XYLB: variants seen among roughly 807,000 people sequenced by gnomAD.
The protein encoded by XYLB is xylulose kinase.
XYLB carries 62 observed loss-of-function variants against 78.7 expected under a neutral mutation model. That is an observed-to-expected ratio of 0.79 (90% CI 0.64 to 0.97). XYLB has a LOEUF of 0.97. Among genes scored for constraint, XYLB ranks in the 50% least tolerant of loss-of-function variants. XYLB has a pLI of 0.00. For synonymous variants in XYLB, 245 were observed against 247.4 expected (o/e 0.99, Z 0.09); for missense variants, 687 against 676.8 (o/e 1.02, Z -0.17).
chr3:38,448,078 C>A, the XYLB span, among the ~76,000 whole-genome samples: 1 of 151,940 alleles, frequency 6.6e-6, no homozygotes, highest in Non-Finnish European at 1.5e-5. Context: ...AAAAAAGAAA[C>A]CCTGTCATTG....
At chr3:38,398,139 A>T (rs1397644107) in intron 17 of XYLB, among the ~76,000 whole-genome samples, 1 of 151,494 alleles carries the variant, frequency 6.6e-6, no homozygotes, top group Non-Finnish European at 1.5e-5. Flanking sequence ...TTTTCTATCA[A>T]CGTTGAGAAT....
chr3:38,356,123 C>T (rs550592797), intron 2 of XYLB: 6 of 188,778 alleles, frequency 3.2e-5, no homozygotes, highest in Non-Finnish European at 6.6e-5. Flanking sequence ...TGGTGCCGGG[C>T]GCCTGTAGTC....
At chr3:38,355,608 A>G in intron 2 of XYLB, 1 of 601,246 alleles carries the variant, frequency 1.7e-6, no homozygotes, top group South Asian at 2.1e-5. Context: ...CCTTCCTTGT[A>G]GTTATGTTCA....
chr3:38,422,859 G>T (rs1434871273), downstream of XYLB, among the ~76,000 whole-genome samples: 1 of 152,020 alleles, frequency 6.6e-6, no homozygotes, highest in Non-Finnish European at 1.5e-5. Flanking sequence ...AAAAATTCTT[G>T]TCAGGGTTTA....
intron 12 of XYLB, 120 bp from the exon 13 acceptor site, chr3:38,375,997 G>C: frequency 1.4e-6 from 1 of 735,762 alleles, no homozygotes; most frequent in Non-Finnish European, 2.5e-6. Context: ...GCTGTGCACT[G>C]ACTAGGGGTC....
chr3:38,389,380 A>G (rs1707546041), intron 15 of XYLB, among the ~76,000 whole-genome samples: 1 of 151,852 alleles, frequency 6.6e-6, no homozygotes, highest in South Asian at 2.1e-4. Context: ...CGATTTCTCA[A>G]TCTTTTCCCC....
At chr3:38,377,484 G>C (rs1011026831) in intron 14 of XYLB, among the ~76,000 whole-genome samples, 11 of 143,222 alleles carry the variant, frequency 7.7e-5, no homozygotes, top group African/African-American at 2.9e-4. Context: ...GTCTCACTCT[G>C]TTGCCCAGGC....
intron 2 of XYLB, among the ~76,000 whole-genome samples, chr3:38,352,188 A>T (rs76313372): frequency 1.3e-5 from 2 of 151,800 alleles, no homozygotes; most frequent in South Asian, 4.1e-4. Context: ...TATACAGTGA[A>T]AAGTCTTTTT....
chr3:38,350,783 AT>A (rs71085313), intron 2 of XYLB, among the ~76,000 whole-genome samples: 130,454 of 151,650 alleles, frequency 0.86, 57,052 homozygotes, highest in East Asian at 1. Context: ...TTATAGTTTC[AT>A]TTTTTTTCGT....
At chr3:38,355,772 C>T (rs2125558647) in intron 2 of XYLB, 3 of 703,650 alleles carry the variant, frequency 4.3e-6, no homozygotes, top group Admixed American at 2.0e-5. Context: ...TGGAACATGA[C>T]AGAGCCACCA....
At chr3:38,393,112 C>CTA (rs1435796895) in intron 15 of XYLB, among the ~76,000 whole-genome samples, 3 of 152,072 alleles carry the variant, frequency 2.0e-5, no homozygotes, top group African/African-American at 7.2e-5. Flanking sequence ...TATCCAGTCC[C>CTA]TATATATACA....
downstream of XYLB, among the ~76,000 whole-genome samples, chr3:38,423,867 C>T (rs141221712): frequency 1.9e-3 from 289 of 152,326 alleles, 1 homozygote; most frequent in African/African-American, 6.6e-3. Flanking sequence ...ACTACTACTC[C>T]TTACTCCTAC....
chr3:38,397,290 AT>A, intron 17 of XYLB, 131 bp downstream of exon 17: 1 of 812,524 alleles, frequency 1.2e-6, no homozygotes, highest in South Asian at 1.5e-5. Context: ...CTTCAGCTTC[AT>A]TTTTCTAGCT....
chr3:38,409,552 G>C (rs1708484606), intron 18 of XYLB, among the ~76,000 whole-genome samples: 1 of 152,196 alleles, frequency 6.6e-6, no homozygotes, highest in African/African-American at 2.4e-5. Context: ...TTAGGCAGGA[G>C]AAGGAAATAA....
At chr3:38,429,410 A>T in the XYLB span, among the ~76,000 whole-genome samples, 4 of 152,112 alleles carry the variant, frequency 2.6e-5, no homozygotes, top group African/African-American at 9.7e-5. Context: ...AAGCTATTAC[A>T]GTTGTGTTAG....
intron 8 of XYLB, 104 bp downstream of exon 8, chr3:38,368,361 A>T: frequency 1.0e-6 from 1 of 997,600 alleles, no homozygotes; most frequent in Non-Finnish European, 1.6e-6. Context: ...CCAATCTTGT[A>T]GCCCTGTCAT....
intron 11 of XYLB, 91 bp from the exon 12 acceptor site, chr3:38,375,053 G>A: frequency 9.9e-7 from 1 of 1,011,968 alleles, no homozygotes; most frequent in South Asian, 1.5e-5. Context: ...AAGTGACAGG[G>A]TTAAGGTGGG....
intron 18 of XYLB, among the ~76,000 whole-genome samples, chr3:38,404,999 T>C (rs746898645): frequency 1.4e-4 from 21 of 152,144 alleles, no homozygotes; most frequent in Non-Finnish European, 2.6e-4. Flanking sequence ...GCATCTGCAT[T>C]TCTCAGGTAA....
chr3:38,391,098 A>G (rs1707632935), intron 15 of XYLB, among the ~76,000 whole-genome samples: 1 of 152,048 alleles, frequency 6.6e-6, no homozygotes, highest in Non-Finnish European at 1.5e-5. Flanking sequence ...GGACGCTTAT[A>G]GCCTACTCAG....
Sources: allele counts gnomAD v4.1 joint callset (sites outside exome capture counted in the v4.1 genomes callset), GRCh38; gene constraint gnomAD v4.1.1; transcripts MANE v1.5; gene names NCBI Gene and HGNC (gene_info 2026-07-23, HGNC 2026-07-21).